Variants in FKTN observed in about 807,000 individuals in gnomAD.
The protein encoded by FKTN is ribitol-5-phosphate transferase FKTN.
FKTN carries 47 observed loss-of-function variants against 58.6 expected under a neutral mutation model. The ratio of observed to expected loss-of-function variants is 0.80; its 90% confidence interval spans 0.63 to 1.02. The LOEUF is 1.02. Ranked by LOEUF, FKTN falls within the 50% of genes least tolerant of loss-of-function variation. The pLI is 0.00. For synonymous variants in FKTN, 178 were observed against 191.9 expected, an observed-to-expected ratio of 0.93 and a Z score of 0.60; for missense variants, 516 against 537.3, an observed-to-expected ratio of 0.96 and a Z score of 0.39.
intron 3 of FKTN, among the ~76,000 whole-genome samples, chr9:105,578,640 T>C (rs1350943380): frequency 6.6e-6 from 1 of 152,070 alleles, no homozygotes; most frequent in Non-Finnish European, 1.5e-5. Context: ...TCTTTTTTTG[T>C]TGAGTCTCTG....
At chr9:105,583,796 A>C (rs1240865286) in intron 3 of FKTN, among the ~76,000 whole-genome samples, 1 of 151,982 alleles carries the variant, frequency 6.6e-6, no homozygotes, top group Non-Finnish European at 1.5e-5. Flanking sequence ...ATTTAACTGT[A>C]TTTTTGTCTA....
intron 10 of FKTN, among the ~76,000 whole-genome samples, chr9:105,632,588 T>C (rs958107234): frequency 2.0e-5 from 3 of 152,020 alleles, no homozygotes; most frequent in Admixed American, 1.3e-4. Context: ...TATTCATAGG[T>C]TGTGCTTAAA....
intron 5 of FKTN, among the ~76,000 whole-genome samples, chr9:105,602,740 A>G (rs1209475717): frequency 2.0e-5 from 3 of 151,602 alleles, no homozygotes. Context: ...ATTTTTTTTT[A>G]GTAGGGACGG....
At chr9:105,599,176 A>T (rs1046826625) in intron 4 of FKTN, among the ~76,000 whole-genome samples, 1 of 152,164 alleles carries the variant, frequency 6.6e-6, no homozygotes, top group Non-Finnish European at 1.5e-5. Flanking sequence ...TGGTTTGCTG[A>T]AAGTTTTAAA....
chr9:105,606,916 G>A (rs2132870653), intron 6 of FKTN, among the ~76,000 whole-genome samples: 1 of 151,452 alleles, frequency 6.6e-6, no homozygotes, highest in Admixed American at 6.6e-5. Flanking sequence ...TTTATTATTG[G>A]CTTCTCTTAT....
intron 10 of FKTN, among the ~76,000 whole-genome samples, chr9:105,628,448 A>AG (rs138273552): frequency 0.11 from 17,255 of 152,172 alleles, 1,418 homozygotes; most frequent in African/African-American, 0.23. Context: ...TTTTAAGAGA[A>AG]GATTGCCTCC....
Position 105,639,630 on chromosome 9 carries a change from G to A in FKTN, c.*4366G>A, listed in dbSNP as rs1834287749. On this transcript the variant is annotated 3_prime_UTR_variant, in exon 11 of 11. Coordinates refer to ENST00000357998, the MANE Select transcript of FKTN (RefSeq NM_001079802.2). ...CCTTTACTCAAAAGATTGCATGACTGAATTTGCTTAAGAAAAAAAAAATTG... is the reference window on the plus strand; with the variant it reads ...CCTTTACTCAAAAGATTGCATGACTAAATTTGCTTAAGAAAAAAAAAATTG... 2.1e-6 allele frequency: 2 copies of A among 962,088 alleles called. No individual in the cohort carries two copies. Among genetic ancestry groups the A allele is most frequent in the Non-Finnish European group, 2.5e-6 (2 of 810,514 alleles). 59.6% of individuals were successfully genotyped at this position (962,088 alleles called of 1,614,324 possible).
At chr9:105,567,132 T>A (rs1039835435) in intron 1 of FKTN, among the ~76,000 whole-genome samples, 11 of 152,200 alleles carry the variant, frequency 7.2e-5, no homozygotes, top group Admixed American at 5.2e-4. Context: ...AAATTAGGTA[T>A]TGATGGGACG....
chr9:105,577,565 A>C (rs62575116), intron 3 of FKTN, among the ~76,000 whole-genome samples: 38,676 of 143,060 alleles, frequency 0.27, 5,410 homozygotes, highest in Non-Finnish European at 0.31. Flanking sequence ...TGTTTTGGTT[A>C]CTGTAGCCTT....
At chr9:105,562,866 A>C (rs572417999) in intron 1 of FKTN, among the ~76,000 whole-genome samples, 106 of 152,316 alleles carry the variant, frequency 7.0e-4, no homozygotes, top group Non-Finnish European at 1.3e-3. Flanking sequence ...TCCCCAAATA[A>C]GTCGGGGATC....
At chr9:105,583,006 C>A (rs189406666) in intron 3 of FKTN, among the ~76,000 whole-genome samples, 1 of 152,168 alleles carries the variant, frequency 6.6e-6, no homozygotes, top group African/African-American at 2.4e-5. Context: ...ATAGTGTGAT[C>A]TAGCAGGCTT....
chr9:105,617,643 CATAG>C (rs1831052476), intron 8 of FKTN, among the ~76,000 whole-genome samples: 1 of 152,044 alleles, frequency 6.6e-6, no homozygotes. Flanking sequence ...AAAATAGATA[CATAG>C]ATAGATAGAA....
chr9:105,638,435 A>G lies in FKTN; in HGVS notation c.*3171A>G. On this transcript the variant is annotated 3_prime_UTR_variant, in exon 11 of 11. Coordinates refer to ENST00000357998, the MANE Select transcript of FKTN (RefSeq NM_001079802.2). ...CTCTCCAGACAATAAGACAGTTCAC[A>G]TCTGGAGACATCAGCCTTTGGTACC... 2.0e-6 allele frequency: 2 copies of G among 985,452 alleles called. No individual in the cohort carries two copies. The highest frequency in any genetic ancestry group is 2.4e-6 in the Non-Finnish European group (2 of 829,928). The allele number at this position is 985,452 out of a possible 1,614,324, so 61.0% of individuals were successfully genotyped here.
chr9:105,562,435 A>G (rs905029285), intron 1 of FKTN, among the ~76,000 whole-genome samples: 1 of 152,204 alleles, frequency 6.6e-6, no homozygotes. Flanking sequence ...GTTCACCTCT[A>G]GGTAGTGTCA....
At chr9:105,621,646 G>A (rs1267983613) in intron 10 of FKTN, among the ~76,000 whole-genome samples, 6 of 151,592 alleles carry the variant, frequency 4.0e-5, no homozygotes, top group African/African-American at 1.2e-4. Flanking sequence ...TAGTATTTAC[G>A]TTCATCTCTC....
Position 105,615,015 on chromosome 9 carries a change from C to T in FKTN, c.781-263C>T, listed in dbSNP as rs180878733. ...TCTCTTGCCTCAACCTCTCGAGTAG[C>T]TGGAACTATAGGCGCGGGCCACCAC... On this transcript the variant is annotated intron_variant, in intron 7 of 10. Transcript: ENST00000357998. 9.4e-3 allele frequency among the ~76,000 whole-genome samples: 1,397 copies of T among 148,648 alleles called. 23 individuals carry two copies. Among genetic ancestry groups the T allele is most frequent in the African/African-American group, 0.033 (1,348 of 40,630 alleles).
In FKTN at chr9:105,640,113, A is replaced by G; in HGVS notation, c.*4849A>G. The G allele has an allele frequency of 1.3e-6, 2 of 1,535,314 alleles. No individual in the cohort carries two copies. The highest frequency in any genetic ancestry group is 1.7e-6 in the Non-Finnish European group (2 of 1,146,554). On this transcript the variant is annotated 3_prime_UTR_variant, in exon 11 of 11. Coordinates refer to ENST00000357998, the MANE Select transcript of FKTN (RefSeq NM_001079802.2). ...CTATCTCAACTAGGCAAGAATCAGC[A>G]GGGTGCATGATGCCATTTTAAGCTG...
intron 10 of FKTN, 32 bp downstream of exon 10, chr9:105,620,093 G>A: frequency 6.4e-7 from 1 of 1,571,042 alleles, no homozygotes; most frequent in Non-Finnish European, 8.7e-7. Flanking sequence ...ATTTATAAAG[G>A]TACTACAGAA....
rs1003989506 is a variant in FKTN, at chr9:105,619,784, C to T, written c.1045-150C>T. 4.8e-6 allele frequency: 3 copies of T among 619,530 alleles called. No individual in the cohort carries two copies. In the Admixed American group the frequency reaches 8.8e-5, roughly 18 times the overall value. 38.4% of individuals were successfully genotyped at this position (619,530 alleles called of 1,614,324 possible). A position where few individuals can be genotyped will look rare whatever the true frequency, so the allele number is the denominator to read the frequency against. On this transcript the variant is annotated intron_variant, in intron 9 of 10. Transcript: ENST00000357998. ...CTGATGCATCCCAATTTCAGAGGTG[C>T]CTTAACTTGAAAAAATGTGCATCTT...
Sources: allele counts gnomAD v4.1 joint callset (sites outside exome capture counted in the v4.1 genomes callset), GRCh38; gene constraint gnomAD v4.1.1; transcripts MANE v1.5; gene names NCBI Gene and HGNC (gene_info 2026-07-23, HGNC 2026-07-21).